The following ZNF620 variants were observed in gnomAD, a reference collection of about 807,000 sequenced individuals.
ZNF620 encodes the protein zinc finger protein 620.
A neutral mutation model predicts 13.3 loss-of-function variants in ZNF620; 10 were observed. The observed-to-expected ratio is 0.75, with a 90% confidence interval of 0.46 to 1.28. ZNF620 has a LOEUF of 1.28. Ranked by LOEUF, ZNF620 falls within the 50% of genes most tolerant of loss-of-function variation. ZNF620 has a pLI of 0.00. For synonymous variants in ZNF620, 166 were observed against 177.6 expected, an observed-to-expected ratio of 0.93 and a Z score of 0.52; for missense variants, 461 against 500.2, an observed-to-expected ratio of 0.92 and a Z score of 0.75.
intron 4 of ZNF620, among the ~76,000 whole-genome samples, chr3:40,514,956 G>A (rs1307966554): frequency 6.6e-6 from 1 of 152,160 alleles, no homozygotes; most frequent in African/African-American, 2.4e-5. Flanking sequence ...CGTCATCTGA[G>A]TAAAAATATT....
chr3:40,512,382 G>A lies in ZNF620; in HGVS notation c.152-20G>A, dbSNP rs756969077. ...TTCCTGATTCCCCTTACCTTTTCCT[G>A]TTTCTTTCTCCCTGGGCAGCATTCC... On this transcript the variant is annotated intron_variant, in intron 3 of 4. Coordinates refer to ENST00000314529, the MANE Select transcript of ZNF620 (RefSeq NM_175888.4). 6.2e-7 allele frequency: 1 copy of A among 1,609,418 alleles called. No individual in the cohort carries two copies. The highest frequency in any genetic ancestry group is 8.5e-7 in the Non-Finnish European group (1 of 1,175,954).
In ZNF620 at chr3:40,512,382, GTTTC is replaced by G. The variant is rs1310380859; in HGVS notation, c.152-14_152-11del. Reference sequence around the variant, plus strand: ...TTCCTGATTCCCCTTACCTTTTCCTGTTTCTTTCTCCCTGGGCAGCATTCCCATT... The same window carrying G: ...TTCCTGATTCCCCTTACCTTTTCCTGTTTCTCCCTGGGCAGCATTCCCATT... On this transcript the variant is annotated splice_polypyrimidine_tract_variant and intron_variant, in intron 3 of 4. Transcript: ENST00000314529. 11 of 1,609,418 alleles carry G rather than the reference GTTTC, an allele frequency of 6.8e-6. No homozygotes were observed. In the Middle Eastern group the frequency reaches 5.0e-4, roughly 74 times the overall value.
chr3:40,512,319 A>C (rs1698225421), intron 3 of ZNF620, 83 bp from the exon 4 acceptor site: 1 of 1,143,662 alleles, frequency 8.7e-7, no homozygotes, highest in African/African-American at 1.5e-5. Context: ...TACCTGGCTC[A>C]GCAGATAAAG....
Position 40,511,559 on chromosome 3 carries a change from A to G in ZNF620, c.114A>G (p.Glu38=), listed in dbSNP as rs199925649. ...CTGTGCAGAGGGCCCTGTACAGGGA[A>G]GTGATGCTGGAGAATTATGCAAATG... ...LDSVQRALYR[E]VMLENYANVA... The change falls in exon 3 of 5, where the codon GAA becomes GAG. Residue 38 remains glutamate, a synonymous_variant. Coordinates refer to ENST00000314529, the MANE Select transcript of ZNF620 (RefSeq NM_175888.4). 42 of 1,613,286 alleles carry G rather than the reference A, an allele frequency of 2.6e-5. No individual in the cohort carries two copies. Among genetic ancestry groups the G allele is most frequent in the Non-Finnish European group, 3.1e-5 (36 of 1,179,722 alleles).
chr3:40,512,034 GC>G (rs1400772755), intron 3 of ZNF620, among the ~76,000 whole-genome samples: 1 of 152,174 alleles, frequency 6.6e-6, no homozygotes, highest in Non-Finnish European at 1.5e-5. Context: ...AGGCTGAGCT[GC>G]CTGGAAGTTT....
Position 40,516,609 on chromosome 3 carries a change from A to G in ZNF620, c.1015A>G (p.Lys339Glu). 1.2e-6 allele frequency: 2 copies of G among 1,614,166 alleles called. No individual in the cohort carries two copies. Among genetic ancestry groups the G allele is most frequent in the East Asian group, 2.2e-5 (1 of 44,884 alleles). The change falls in exon 5 of 5, where the codon AAA becomes GAA. Residue 339 changes from lysine to glutamate, a missense_variant. Coordinates refer to ENST00000314529, the MANE Select transcript of ZNF620 (RefSeq NM_175888.4). ...MHTGEKPYEC[K>E]ECGKRLSSNT... ...CACTGGGGAGAAACCTTATGAATGTAAAGAGTGTGGAAAACGATTAAGCTC... is the reference window on the plus strand; with the variant it reads ...CACTGGGGAGAAACCTTATGAATGTGAAGAGTGTGGAAAACGATTAAGCTC...
At chr3:40,508,571 G>T in intron 2 of ZNF620, 1 of 235,546 alleles carries the variant, frequency 4.2e-6, no homozygotes, top group Admixed American at 5.2e-5. Flanking sequence ...TTCTTTTATG[G>T]CCCAGAATAT....
Position 40,513,338 on chromosome 3 carries a change from T to A in ZNF620, c.265+823T>A, listed in dbSNP as rs1279216824. ...AAAAATATATATATATATATATATATATATATATATATATATGGCCAGGTG... is the reference window on the plus strand; with the variant it reads ...AAAAATATATATATATATATATATAAATATATATATATATATGGCCAGGTG... On this transcript the variant is annotated intron_variant, in intron 4 of 4. Coordinates refer to ENST00000314529, the MANE Select transcript of ZNF620 (RefSeq NM_175888.4). 1.0e-3 allele frequency among the ~76,000 whole-genome samples: 141 copies of A among 135,388 alleles called. 7 individuals carry two copies. The highest frequency in any genetic ancestry group is 3.7e-3 in the African/African-American group (133 of 35,494). The allele number at this position is 135,388 out of a possible 152,430, so 88.8% of individuals were successfully genotyped here.
At chr3:40,513,821 A>G (rs1036914215) in intron 4 of ZNF620, among the ~76,000 whole-genome samples, 1 of 152,178 alleles carries the variant, frequency 6.6e-6, no homozygotes, top group African/African-American at 2.4e-5. Context: ...ATAACCTAGG[A>G]AAAACCAGGC....
chr3:40,509,358 G>A (rs546561538), intron 2 of ZNF620, among the ~76,000 whole-genome samples: 7 of 151,800 alleles, frequency 4.6e-5, no homozygotes, highest in Admixed American at 1.3e-4. Flanking sequence ...AGCCTCCCAC[G>A]TAGCTGGGAT....
Position 40,516,109 on chromosome 3 carries a change from A to C in ZNF620, c.515A>C (p.Lys172Thr), listed in dbSNP as rs1698372322. ...YEVKNGEKFEKLGKNISVSTQ... is the reference protein window; with the variant it reads ...YEVKNGEKFETLGKNISVSTQ... ...GTCAAGAATGGAGAGAAGTTTGAGA[A>C]ATTAGGAAAAAATATTAGCGTCAGC... is the stretch of plus-strand genomic sequence containing the variant. Residue 172 changes from lysine (K) to threonine (T), a missense_variant, in exon 5 of 5, where the codon AAA becomes ACA. Transcript: ENST00000314529. 1.2e-6 allele frequency: 2 copies of C among 1,614,136 alleles called. No individual in the cohort carries two copies. Among genetic ancestry groups the C allele is most frequent in the Non-Finnish European group, 1.7e-6 (2 of 1,180,016 alleles).
At chr3:40,515,617 C>T (rs1333429274) in intron 4 of ZNF620, among the ~76,000 whole-genome samples, 2 of 152,192 alleles carry the variant, frequency 1.3e-5, no homozygotes, top group African/African-American at 4.8e-5. Context: ...ATGGGAATGC[C>T]TCCTGGCCTT....
intron 2 of ZNF620, among the ~76,000 whole-genome samples, chr3:40,507,244 A>G (rs948797432): frequency 6.6e-6 from 1 of 151,908 alleles, no homozygotes; most frequent in Non-Finnish European, 1.5e-5. Context: ...AGCACGCGCC[A>G]CCACACCCAG....
chr3:40,513,617 G>A (rs1698279167), intron 4 of ZNF620, among the ~76,000 whole-genome samples: 1 of 151,312 alleles, frequency 6.6e-6, no homozygotes, highest in African/African-American at 2.4e-5. Context: ...CCAGCCTGTG[G>A]GCAGCAAGCC....
chr3:40,509,908 T>C (rs1330383190), intron 2 of ZNF620, among the ~76,000 whole-genome samples: 1 of 152,188 alleles, frequency 6.6e-6, no homozygotes, highest in Non-Finnish European at 1.5e-5. Context: ...TTGTTGTCGT[T>C]TTTTGCATGA....
chr3:40,510,986 C>T (rs896715947), intron 2 of ZNF620, among the ~76,000 whole-genome samples: 5 of 152,092 alleles, frequency 3.3e-5, no homozygotes, highest in Non-Finnish European at 7.4e-5. Flanking sequence ...TCAAGCCATC[C>T]GCCTGCCTTG....
At chr3:40,510,788 AC>A (rs1352176187) in intron 2 of ZNF620, among the ~76,000 whole-genome samples, 8 of 151,922 alleles carry the variant, frequency 5.3e-5, no homozygotes, top group Non-Finnish European at 1.2e-4. Flanking sequence ...TCACTCTGTC[AC>A]CCAGGCTGGC....
At chr3:40,508,585 C>G (rs544256395) in intron 2 of ZNF620, 5 of 267,084 alleles carry the variant, frequency 1.9e-5, no homozygotes, top group Admixed American at 1.5e-4. Context: ...AGAATATGGA[C>G]TGTCTACCTA....
At chr3:40,511,369 C>A in intron 2 of ZNF620, 101 bp from the exon 3 acceptor site, 1 of 1,485,054 alleles carries the variant, frequency 6.7e-7, no homozygotes, top group South Asian at 1.3e-5. Context: ...TGCTGGATAA[C>A]TGTCCTTGGC....
Sources: allele counts gnomAD v4.1 joint callset (sites outside exome capture counted in the v4.1 genomes callset), GRCh38; gene constraint gnomAD v4.1.1; transcripts MANE v1.5; gene names NCBI Gene and HGNC (gene_info 2026-07-23, HGNC 2026-07-21).